Variants in HYCC2 observed in about 807,000 individuals in gnomAD.
HYCC2 encodes hyccin PI4KA lipid kinase complex subunit 2.
At chr2:200,992,669 C>G in the HYCC2 span, among the ~76,000 whole-genome samples, 1 of 152,126 alleles carries the variant, frequency 6.6e-6, no homozygotes, top group Non-Finnish European at 1.5e-5. Flanking sequence ...GTTTTCCATA[C>G]AGAAAACCTG....
chr2:201,050,433 G>A, the HYCC2 span, among the ~76,000 whole-genome samples: 9 of 151,478 alleles, frequency 5.9e-5, no homozygotes, highest in South Asian at 2.1e-4. Context: ...TTTCAATTAC[G>A]GGAGAAACCA....
At chr2:201,043,432 T>TAAAAAAAAAAA in the HYCC2 span, among the ~76,000 whole-genome samples, 3 of 74,878 alleles carry the variant, frequency 4.0e-5, no homozygotes, top group East Asian at 4.0e-4. Context: ...CAATAAATAC[T>TAAAAAAAAAAA]AAAAAAAAAA....
the HYCC2 span, among the ~76,000 whole-genome samples, chr2:201,041,861 T>C: frequency 6.6e-6 from 1 of 152,268 alleles, no homozygotes; most frequent in Non-Finnish European, 1.5e-5. Context: ...TTCAGTTTCC[T>C]ACAATGATTA....
the HYCC2 span, among the ~76,000 whole-genome samples, chr2:201,026,824 G>C: frequency 6.6e-6 from 1 of 152,250 alleles, no homozygotes; most frequent in East Asian, 1.9e-4. Context: ...AGTGTGTAGA[G>C]GGAAATTTAT....
chr2:201,052,188 T>G, the HYCC2 span: 1 of 152,550 alleles, frequency 6.6e-6, no homozygotes, highest in African/African-American at 2.4e-5. Context: ...GTGCCAGCTA[T>G]TCAGGAGGCA....
chr2:201,024,113 T>C, the HYCC2 span: 1 of 820,812 alleles, frequency 1.2e-6, no homozygotes, highest in Non-Finnish European at 2.0e-6. Flanking sequence ...ATATGTGCCT[T>C]TCACCAAGGA....
the HYCC2 span, among the ~76,000 whole-genome samples, chr2:200,986,132 G>T: frequency 6.6e-6 from 1 of 152,162 alleles, no homozygotes; most frequent in Non-Finnish European, 1.5e-5. Flanking sequence ...AAAAGGGAAC[G>T]CTGCCATCTT....
At chr2:201,028,839 T>C in the HYCC2 span, among the ~76,000 whole-genome samples, 4 of 152,170 alleles carry the variant, frequency 2.6e-5, no homozygotes, top group East Asian at 7.7e-4. Flanking sequence ...ACTTAAATGT[T>C]AGACCTAAAA....
At chr2:201,044,710 CTAT>C in the HYCC2 span, among the ~76,000 whole-genome samples, 9 of 152,108 alleles carry the variant, frequency 5.9e-5, no homozygotes, top group African/African-American at 1.2e-4. Context: ...ATGCTTGCTA[CTAT>C]TATTATTATA....
At chr2:201,029,369 A>G in the HYCC2 span, among the ~76,000 whole-genome samples, 1 of 152,320 alleles carries the variant, frequency 6.6e-6, no homozygotes, top group Non-Finnish European at 1.5e-5. Flanking sequence ...AAGACAGTGC[A>G]GCGATTCCTC....
At chr2:200,996,592 TCCAG>T in the HYCC2 span, 1 of 152,216 alleles carries the variant, frequency 6.6e-6, no homozygotes, top group Non-Finnish European at 1.5e-5. Flanking sequence ...ACCACTGCAC[TCCAG>T]TCTGGGTGAC....
At chr2:201,058,495 G>A in the HYCC2 span, among the ~76,000 whole-genome samples, 1 of 152,198 alleles carries the variant, frequency 6.6e-6, no homozygotes, top group African/African-American at 2.4e-5. Flanking sequence ...TGGATCGCTT[G>A]AGGTCAGGAG....
the HYCC2 span, among the ~76,000 whole-genome samples, chr2:201,048,519 TTTA>T: frequency 6.6e-6 from 1 of 151,690 alleles, no homozygotes; most frequent in Non-Finnish European, 1.5e-5. Context: ...TTTTTTTTTT[TTTA>T]AGCTCATCAG....
the HYCC2 span, among the ~76,000 whole-genome samples, chr2:201,026,344 G>C: frequency 6.6e-6 from 1 of 152,144 alleles, no homozygotes; most frequent in Non-Finnish European, 1.5e-5. Context: ...AAGAGATTTA[G>C]ACTCCCAAAC....
chr2:201,027,107 T>C, the HYCC2 span, among the ~76,000 whole-genome samples: 51 of 151,800 alleles, frequency 3.4e-4, no homozygotes, highest in South Asian at 8.3e-4. Flanking sequence ...ATCAAATAGA[T>C]GCAATAAAAA....
chr2:200,990,812 ACAC>A, the HYCC2 span, among the ~76,000 whole-genome samples: 1 of 152,054 alleles, frequency 6.6e-6, no homozygotes, highest in East Asian at 1.9e-4. Context: ...ACCTCGTGAT[ACAC>A]CCGCCTCGGC....
the HYCC2 span, chr2:200,976,989 A>G: frequency 1.3e-5 from 2 of 152,230 alleles, no homozygotes; most frequent in Non-Finnish European, 2.9e-5. Context: ...GATCAAAGCC[A>G]TTTCACAGGG....
chr2:201,013,421 G>C, the HYCC2 span, among the ~76,000 whole-genome samples: 1 of 149,346 alleles, frequency 6.7e-6, no homozygotes, highest in Non-Finnish European at 1.5e-5. Context: ...AGAGAGCTAA[G>C]ACTGCCACTG....
At chr2:201,062,444 C>T in the HYCC2 span, among the ~76,000 whole-genome samples, 3 of 151,956 alleles carry the variant, frequency 2.0e-5, no homozygotes, top group Non-Finnish European at 4.4e-5. Flanking sequence ...GTCAGGAGAT[C>T]GAGAGCATCC....
Sources: allele counts gnomAD v4.1 joint callset (sites outside exome capture counted in the v4.1 genomes callset), GRCh38; gene constraint gnomAD v4.1.1; transcripts MANE v1.5; gene names NCBI Gene and HGNC (gene_info 2026-07-23, HGNC 2026-07-21).